The following DCC variants were observed in gnomAD, a reference collection of about 807,000 sequenced individuals.
DCC encodes the protein netrin receptor DCC.
Under a neutral mutation model 172.5 loss-of-function variants are expected in DCC, and 58 were observed. The ratio of observed to expected loss-of-function variants is 0.34; its 90% CI spans 0.27 to 0.42. The LOEUF (loss-of-function observed/expected upper bound fraction) is 0.42, where lower values mean the gene tolerates loss of function less well. DCC is among the 10% of genes least tolerant of loss of function. The probability of loss-of-function intolerance (pLI) is 1.00; values close to 1 mark genes in which losing one functional copy is unlikely to be tolerated. For missense variants in DCC, 1,740 were observed against 1,791.0 expected (o/e 0.97, Z 0.51); for synonymous variants, 709 against 644.5 (o/e 1.10, Z -1.52).
intron 9 of DCC, among the ~76,000 whole-genome samples, chr18:53,182,493 C>G (rs2055212068): frequency 1.3e-5 from 2 of 152,168 alleles, no homozygotes; most frequent in South Asian, 4.1e-4. Context: ...ACAAGACATT[C>G]AGAATATCCT....
rs1323824085 is a variant in DCC, at chr18:52,809,370, A to AC, written c.412+56998dup. On this transcript the variant is annotated intron_variant, in intron 2 of 28. Transcript: ENST00000442544. ...ATGGCAGCAAGCCTTTTATTCTCTG[A>AC]CCTGGGGTTCTTGGCCTCATGGATT... The AC allele has an allele frequency of 4.2e-5, 7 of 165,642 alleles. No homozygotes were observed. In the East Asian group the frequency reaches 1.2e-3, roughly 29 times the overall value. The allele number at this position is 165,642 out of a possible 1,614,324, so 10.3% of individuals were successfully genotyped here.
intron 5 of DCC, among the ~76,000 whole-genome samples, chr18:52,985,826 C>A (rs1224804805): frequency 1.3e-5 from 2 of 152,106 alleles, no homozygotes; most frequent in East Asian, 3.8e-4. Context: ...TAGTTTCTTA[C>A]TGATTTTTAA....
At chr18:53,021,745 C>T (rs74914688) in intron 5 of DCC, among the ~76,000 whole-genome samples, 10 of 152,254 alleles carry the variant, frequency 6.6e-5, no homozygotes, top group East Asian at 1.9e-4. Context: ...AAAGAAAGCA[C>T]GTCACTGTTA....
chr18:52,494,910 T>C (rs1376081469), intron 1 of DCC, among the ~76,000 whole-genome samples: 1 of 152,154 alleles, frequency 6.6e-6, no homozygotes, highest in African/African-American at 2.4e-5. Context: ...TATAAAAATT[T>C]AGATTATTGA....
chr18:52,910,641 C>CTG (rs1331506243), intron 3 of DCC, among the ~76,000 whole-genome samples: 7 of 152,086 alleles, frequency 4.6e-5, no homozygotes, highest in African/African-American at 1.7e-4. Flanking sequence ...TGTCTGAGTG[C>CTG]CAAGCAGGAC....
intron 2 of DCC, among the ~76,000 whole-genome samples, chr18:52,890,327 G>GT (rs2039630291): frequency 6.6e-6 from 1 of 152,004 alleles, no homozygotes; most frequent in Non-Finnish European, 1.5e-5. Context: ...GGCATAGCTG[G>GT]TGAGGTATAC....
chr18:52,918,275 A>G (rs1212612352), intron 3 of DCC, among the ~76,000 whole-genome samples: 1 of 152,184 alleles, frequency 6.6e-6, no homozygotes, highest in Non-Finnish European at 1.5e-5. Flanking sequence ...GCATTTGGAT[A>G]TGAATAGTGG....
At chr18:52,764,847 T>C (rs1478915325) in intron 2 of DCC, among the ~76,000 whole-genome samples, 3 of 152,166 alleles carry the variant, frequency 2.0e-5, no homozygotes, top group African/African-American at 7.2e-5. Context: ...TATCACTCCA[T>C]GAACTATCTT....
At chr18:53,238,258 G>T (rs2056233840) in intron 12 of DCC, among the ~76,000 whole-genome samples, 1 of 151,998 alleles carries the variant, frequency 6.6e-6, no homozygotes, top group African/African-American at 2.4e-5. Context: ...GTAGTGTTGG[G>T]TTCTAGGTGA....
intron 7 of DCC, among the ~76,000 whole-genome samples, chr18:53,066,889 G>A (rs1020735298): frequency 6.6e-6 from 1 of 152,078 alleles, no homozygotes; most frequent in Non-Finnish European, 1.5e-5. Flanking sequence ...ATGGCGGAAG[G>A]CGAAGGGGCA....
chr18:53,057,987 A>G (rs1182755215), intron 5 of DCC, among the ~76,000 whole-genome samples: 1 of 152,086 alleles, frequency 6.6e-6, no homozygotes, highest in Non-Finnish European at 1.5e-5. Flanking sequence ...AGCTACTCTC[A>G]GCTTCATGGA....
chr18:53,386,009 C>T, intron 15 of DCC, 34 bp from the exon 16 acceptor site: 1 of 1,335,836 alleles, frequency 7.5e-7, no homozygotes, highest in Non-Finnish European at 1.1e-6. Flanking sequence ...TTAAATATAT[C>T]AACACGTTCA....
chr18:52,480,523 A>T (rs1028360425), intron 1 of DCC, among the ~76,000 whole-genome samples: 1 of 152,238 alleles, frequency 6.6e-6, no homozygotes, highest in Non-Finnish European at 1.5e-5. Flanking sequence ...GAGTTTGTGC[A>T]TGCCACTTTG....
At chr18:52,657,454 G>A (rs770449120) in intron 1 of DCC, among the ~76,000 whole-genome samples, 7 of 152,192 alleles carry the variant, frequency 4.6e-5, no homozygotes, top group African/African-American at 1.4e-4. Context: ...CTAAGTGCAG[G>A]TGATCACTGT....
chr18:53,391,344 C>T (rs1030171058), intron 16 of DCC, among the ~76,000 whole-genome samples: 6 of 151,960 alleles, frequency 3.9e-5, no homozygotes, highest in African/African-American at 1.4e-4. Flanking sequence ...TTTTAAGAAG[C>T]AATGTGCAAC....
intron 4 of DCC, among the ~76,000 whole-genome samples, chr18:52,924,931 G>A (rs987515011): frequency 6.6e-6 from 1 of 151,826 alleles, no homozygotes; most frequent in Non-Finnish European, 1.5e-5. Flanking sequence ...AGACCTCGAG[G>A]TTCTCAAATC....
chr18:53,500,114 G>A (rs2144452660), intron 27 of DCC, among the ~76,000 whole-genome samples: 1 of 152,122 alleles, frequency 6.6e-6, no homozygotes, highest in East Asian at 1.9e-4. Flanking sequence ...AAGATGGCAG[G>A]GATGGGAAAT....
At chr18:52,563,907 C>T (rs2033097068) in intron 1 of DCC, among the ~76,000 whole-genome samples, 1 of 152,162 alleles carries the variant, frequency 6.6e-6, no homozygotes, top group Non-Finnish European at 1.5e-5. Flanking sequence ...CCCTGAGTCT[C>T]ACCCACTGTG....
At position 52,848,352 on chromosome 18, in the gene DCC, G is replaced by A. The variant is rs570224512; in HGVS notation, c.413-57692G>A. Among the ~76,000 whole-genome samples, 28 of 152,170 alleles carry A rather than the reference G, an allele frequency of 1.8e-4. No homozygotes were observed. The South Asian group carries it at 4.6e-3, about 25-fold the overall frequency. On this transcript the variant is annotated intron_variant, in intron 2 of 28. Coordinates refer to ENST00000442544, the MANE Select transcript of DCC (RefSeq NM_005215.4). ...TTTGCCCACCTCGGCCTCCCAAAGT[G>A]TTGGGATTACAGGCGTGTGCTACCA...
Sources: allele counts gnomAD v4.1 joint callset (sites outside exome capture counted in the v4.1 genomes callset), GRCh38; gene constraint gnomAD v4.1.1; transcripts MANE v1.5; gene names NCBI Gene and HGNC (gene_info 2026-07-23, HGNC 2026-07-21).